CCSER1: variants seen among roughly 807,000 people sequenced by gnomAD.
CCSER1 encodes serine-rich coiled-coil domain-containing protein 1.
CCSER1 carries 41 observed loss-of-function variants against 82.0 expected under a neutral mutation model. The observed-to-expected ratio is 0.50, with a 90% CI of 0.39 to 0.65. The LOEUF (loss-of-function observed/expected upper bound fraction) is 0.65. Among genes scored for constraint, CCSER1 ranks in the 30% least tolerant of loss-of-function variants. CCSER1 has a pLI of 0.00. For synonymous variants in CCSER1, 414 were observed against 383.9 expected, an observed-to-expected ratio of 1.08 and a Z score of -0.92; for missense variants, 1,119 against 1,064.2, an observed-to-expected ratio of 1.05 and a Z score of -0.72.
At chr4:90,843,751 T>C (rs116050247) in intron 8 of CCSER1, among the ~76,000 whole-genome samples, 2,293 of 152,264 alleles carry the variant, frequency 0.015, 62 homozygotes, top group African/African-American at 0.052. Context: ...TCTTTTTTAT[T>C]TCTTGGTCAT....
chr4:90,914,683 C>CA (rs764783620), intron 8 of CCSER1, among the ~76,000 whole-genome samples: 74 of 117,794 alleles, frequency 6.3e-4, no homozygotes, highest in Middle Eastern at 4.3e-3. Flanking sequence ...AAAAACCCTT[C>CA]AAAAAATCAA....
chr4:91,073,541 A>C (rs1454276188), intron 9 of CCSER1, among the ~76,000 whole-genome samples: 1 of 152,156 alleles, frequency 6.6e-6, no homozygotes, highest in African/African-American at 2.4e-5. Flanking sequence ...TAACATTAGA[A>C]GTCCATATAT....
intron 10 of CCSER1, among the ~76,000 whole-genome samples, chr4:91,296,483 A>ATATATATATATATATATT (rs1175690764): frequency 9.7e-5 from 12 of 124,038 alleles, no homozygotes; most frequent in South Asian, 9.5e-4. Flanking sequence ...ATATATATAT[A>ATATATATATATATATATT]TATTTTAATT....
chr4:91,575,994 C>T (rs1375601991), intron 10 of CCSER1, among the ~76,000 whole-genome samples: 1 of 151,876 alleles, frequency 6.6e-6, no homozygotes. Flanking sequence ...AGCAATCCCA[C>T]TTCTGGATAT....
chr4:90,363,669 A>T (rs1377105332), intron 3 of CCSER1, among the ~76,000 whole-genome samples: 1 of 152,158 alleles, frequency 6.6e-6, no homozygotes. Flanking sequence ...GCTAAAGAAA[A>T]TTGTCAAGTG....
intron 6 of CCSER1, among the ~76,000 whole-genome samples, chr4:90,654,607 G>A (rs1729372827): frequency 6.6e-6 from 1 of 152,008 alleles, no homozygotes; most frequent in Non-Finnish European, 1.5e-5. Context: ...ATAGAAGCTA[G>A]CTTCCATGAC....
intron 1 of CCSER1, among the ~76,000 whole-genome samples, chr4:90,148,531 A>T (rs1006608814): frequency 6.6e-6 from 1 of 152,174 alleles, no homozygotes; most frequent in Non-Finnish European, 1.5e-5. Flanking sequence ...CTGGTCGTAG[A>T]GTAAAGGGCT....
At chr4:91,317,589 C>CGTGTGTGTGTGTGCGT (rs377534941) in intron 10 of CCSER1, among the ~76,000 whole-genome samples, 11,931 of 150,704 alleles carry the variant, frequency 0.079, 664 homozygotes, top group East Asian at 0.18. Context: ...AAAGTATATA[C>CGTGTGTGTGTGTGCGT]GTGTGTGTGT....
intron 10 of CCSER1, among the ~76,000 whole-genome samples, chr4:91,246,827 T>TACAC (rs34278711): frequency 0.12 from 17,454 of 144,070 alleles, 1,088 homozygotes; most frequent in South Asian, 0.2. Context: ...CATACACACA[T>TACAC]ACACACACAC....
chr4:91,036,682 C>A (rs1741458662), intron 9 of CCSER1, among the ~76,000 whole-genome samples: 1 of 151,970 alleles, frequency 6.6e-6, no homozygotes, highest in Non-Finnish European at 1.5e-5. Context: ...AAAATAGATA[C>A]ATTTTTCCTT....
intron 10 of CCSER1, among the ~76,000 whole-genome samples, chr4:91,204,460 A>G (rs1012968522): frequency 6.6e-6 from 1 of 151,668 alleles, no homozygotes; most frequent in Non-Finnish European, 1.5e-5. Context: ...GGGAAATCCC[A>G]CCCCCCAAAA....
intron 6 of CCSER1, among the ~76,000 whole-genome samples, chr4:90,698,220 G>T (rs1737343548): frequency 1.3e-5 from 2 of 152,164 alleles, no homozygotes; most frequent in Non-Finnish European, 2.9e-5. Context: ...AATTAAAAGA[G>T]AAGTTGTTCT....
chr4:90,735,056 CT>C (rs1745427532), intron 7 of CCSER1, among the ~76,000 whole-genome samples: 1 of 152,040 alleles, frequency 6.6e-6, no homozygotes, highest in Admixed American at 6.5e-5. Flanking sequence ...TTATCAAATG[CT>C]TTTTCAGCAT....
intron 1 of CCSER1, among the ~76,000 whole-genome samples, chr4:90,199,394 A>G (rs1737220489): frequency 6.6e-6 from 1 of 152,164 alleles, no homozygotes; most frequent in African/African-American, 2.4e-5. Flanking sequence ...TGAAAATCCT[A>G]TTTAATCATT....
chr4:90,470,678 G>A (rs570669965), intron 5 of CCSER1, among the ~76,000 whole-genome samples: 1 of 145,322 alleles, frequency 6.9e-6, no homozygotes, highest in African/African-American at 2.6e-5. Flanking sequence ...TGATATTACT[G>A]CCTTCAGCAG....
chr4:90,162,349 G>A (rs1457150946), intron 1 of CCSER1, among the ~76,000 whole-genome samples: 1 of 151,892 alleles, frequency 6.6e-6, no homozygotes, highest in African/African-American at 2.4e-5. Context: ...TAATAATTAT[G>A]ATAGCAGAAC....
chr4:90,260,103 T>G (rs1276406511), intron 1 of CCSER1, among the ~76,000 whole-genome samples: 1 of 152,306 alleles, frequency 6.6e-6, no homozygotes, highest in East Asian at 1.9e-4. Flanking sequence ...GTACTTCTTT[T>G]CACTGGCAAT....
At chr4:91,219,969 A>G (rs910147113) in intron 10 of CCSER1, among the ~76,000 whole-genome samples, 1 of 152,178 alleles carries the variant, frequency 6.6e-6, no homozygotes, top group African/African-American at 2.4e-5. Flanking sequence ...CTTAAAATGT[A>G]AATTTACTCA....
chr4:91,545,188 T>C (rs58397813), intron 10 of CCSER1, among the ~76,000 whole-genome samples: 8,391 of 152,118 alleles, frequency 0.055, 249 homozygotes, highest in Middle Eastern at 0.078. Flanking sequence ...AGCACAGTAT[T>C]AGGGTGGGAG....
Sources: allele counts gnomAD v4.1 joint callset (sites outside exome capture counted in the v4.1 genomes callset), GRCh38; gene constraint gnomAD v4.1.1; transcripts MANE v1.5; gene names NCBI Gene and HGNC (gene_info 2026-07-23, HGNC 2026-07-21).